THSD7B: variants seen among roughly 807,000 people sequenced by gnomAD.
THSD7B encodes the protein thrombospondin type 1 domain containing 7B, also known as thrombospondin type-1 domain-containing protein 7B.
In THSD7B, 138 loss-of-function variants were observed where a neutral mutation model predicts 213.6. The observed-to-expected ratio is 0.65, with a 90% CI of 0.56 to 0.74. THSD7B has a LOEUF of 0.74. Ranked by LOEUF, THSD7B falls within the 30% of genes least tolerant of loss-of-function variation. The probability of loss-of-function intolerance (pLI) is 0.00; values close to 1 mark genes in which losing one functional copy is unlikely to be tolerated. For missense variants in THSD7B, 1,931 were observed against 1,991.5 expected (o/e 0.97, Z 0.58); for synonymous variants, 742 against 687.0 (o/e 1.08, Z -1.25).
At chr2:136,928,757 A>G (rs541996667) in intron 2 of THSD7B, among the ~76,000 whole-genome samples, 1 of 152,348 alleles carries the variant, frequency 6.6e-6, no homozygotes, top group African/African-American at 2.4e-5. Flanking sequence ...TTAACAGAAG[A>G]AAATTATAAT....
chr2:137,145,273 CAGTT>C (rs1040946180), intron 5 of THSD7B, among the ~76,000 whole-genome samples: 5 of 152,076 alleles, frequency 3.3e-5, no homozygotes, highest in Admixed American at 1.3e-4. Flanking sequence ...AGAGAGGCCA[CAGTT>C]AGTTATGGCC....
chr2:137,284,075 G>C (rs952093756), intron 12 of THSD7B, among the ~76,000 whole-genome samples: 4 of 152,098 alleles, frequency 2.6e-5, no homozygotes, highest in Non-Finnish European at 4.4e-5. Flanking sequence ...CTCAATTTCA[G>C]AGCCTGTTAT....
At chr2:137,638,430 A>G (rs1682875376) in intron 20 of THSD7B, among the ~76,000 whole-genome samples, 1 of 152,140 alleles carries the variant, frequency 6.6e-6, no homozygotes, top group African/African-American at 2.4e-5. Context: ...CATGATTCTG[A>G]GGCCTCCCCA....
intron 2 of THSD7B, among the ~76,000 whole-genome samples, chr2:136,954,065 C>T (rs1685082906): frequency 6.6e-6 from 1 of 152,194 alleles, no homozygotes. Context: ...TATTTGTTGA[C>T]ATTTCTAGGA....
At chr2:137,229,350 GGTGTGT>G (rs143029313) in intron 7 of THSD7B, among the ~76,000 whole-genome samples, 4 of 150,044 alleles carry the variant, frequency 2.7e-5, no homozygotes, top group Non-Finnish European at 3.0e-5. Flanking sequence ...TGCTGTATTG[GGTGTGT>G]GTGTGTGTGT....
intron 1 of THSD7B, among the ~76,000 whole-genome samples, 169 bp downstream of exon 1, chr2:136,765,856 T>C (rs1002211133): frequency 6.6e-6 from 1 of 152,166 alleles, no homozygotes; most frequent in Admixed American, 6.5e-5. Flanking sequence ...ACGCGGGAAC[T>C]TGGAAGCGGA....
intron 5 of THSD7B, among the ~76,000 whole-genome samples, chr2:137,127,988 A>G (rs80067288): frequency 0.031 from 4,784 of 152,224 alleles, 118 homozygotes; most frequent in Admixed American, 0.059. Flanking sequence ...AAACACAATA[A>G]ATATAGGGAA....
intron 7 of THSD7B, among the ~76,000 whole-genome samples, chr2:137,199,992 T>A (rs1170171230): frequency 6.6e-6 from 1 of 152,162 alleles, no homozygotes; most frequent in Non-Finnish European, 1.5e-5. Context: ...CTGACTAGAC[T>A]GTTGCAGAAT....
At chr2:137,075,431 C>G (rs1371547542) in intron 3 of THSD7B, among the ~76,000 whole-genome samples, 3 of 152,208 alleles carry the variant, frequency 2.0e-5, no homozygotes, top group Non-Finnish European at 4.4e-5. Flanking sequence ...TGGTTTTCAG[C>G]TCCATCAGGT....
At chr2:137,465,291 T>C (rs1211827227) in intron 15 of THSD7B, among the ~76,000 whole-genome samples, 2 of 151,730 alleles carry the variant, frequency 1.3e-5, no homozygotes, top group African/African-American at 2.4e-5. Flanking sequence ...AACTAAGACA[T>C]TCCAGGACAA....
intron 14 of THSD7B, among the ~76,000 whole-genome samples, chr2:137,434,229 CAGG>C (rs1687244532): frequency 6.6e-6 from 1 of 152,126 alleles, no homozygotes; most frequent in Admixed American, 6.6e-5. Context: ...ATGAGGGTAT[CAGG>C]AGACTTTTTG....
intron 15 of THSD7B, among the ~76,000 whole-genome samples, chr2:137,491,065 C>A (rs923991126): frequency 6.6e-6 from 1 of 151,948 alleles, no homozygotes; most frequent in African/African-American, 2.4e-5. Context: ...TTTATGTGAC[C>A]CCGTATTTTT....
At chr2:137,448,839 A>AAC (rs1278585297) in intron 14 of THSD7B, among the ~76,000 whole-genome samples, 1 of 138,230 alleles carries the variant, frequency 7.2e-6, no homozygotes, top group Admixed American at 7.0e-5. Context: ...ACAACAACAA[A>AAC]AACTACCCTT....
rs1679792985 is a variant in THSD7B, at chr2:137,150,395, C to G, written c.1370-9818C>G. ...TAGTTTCCACATGTTGTGGGAGGGG[C>G]TCAGTGGGAGGTAATTGAGATCATG... On this transcript the variant is annotated intron_variant, in intron 5 of 27. Coordinates refer to ENST00000409968, the MANE Select transcript of THSD7B (RefSeq NM_001316349.2). Among the ~76,000 whole-genome samples the G allele has an allele frequency of 1.3e-5, 2 of 152,114 alleles. 1 individual carries two copies. Among genetic ancestry groups the G allele is most frequent in the South Asian group, 4.2e-4 (2 of 4,818 alleles).
chr2:137,482,436 G>A (rs1488538600), intron 15 of THSD7B, among the ~76,000 whole-genome samples: 1 of 152,140 alleles, frequency 6.6e-6, no homozygotes, highest in Non-Finnish European at 1.5e-5. Context: ...ATACTTATGT[G>A]CCCTGTGGGT....
At chr2:137,007,420 G>A (rs1686137578) in intron 2 of THSD7B, among the ~76,000 whole-genome samples, 1 of 152,152 alleles carries the variant, frequency 6.6e-6, no homozygotes, top group Non-Finnish European at 1.5e-5. Context: ...AACACTAATA[G>A]AGATAGATGG....
intron 2 of THSD7B, among the ~76,000 whole-genome samples, chr2:136,932,585 GAGAAA>G (rs1488217354): frequency 6.6e-6 from 1 of 152,080 alleles, no homozygotes; most frequent in African/African-American, 2.4e-5. Context: ...AAGTAAGCTA[GAGAAA>G]AGAAAACATT....
At chr2:137,183,614 G>A (rs1333081211) in intron 7 of THSD7B, among the ~76,000 whole-genome samples, 3 of 152,036 alleles carry the variant, frequency 2.0e-5, no homozygotes, top group Non-Finnish European at 4.4e-5. Context: ...CTTAGTAATA[G>A]CACAATTTAC....
At chr2:137,114,022 G>A (rs56354125) in intron 4 of THSD7B, among the ~76,000 whole-genome samples, 3,285 of 152,130 alleles carry the variant, frequency 0.022, 82 homozygotes, top group African/African-American at 0.057. Flanking sequence ...GTCACTATGA[G>A]GTTTCTTGGA....
Sources: gnomAD v4.1 joint callset for allele counts (sites outside exome capture counted in the v4.1 genomes callset) on GRCh38, gnomAD v4.1.1 for gene constraint, MANE v1.5 for transcripts, NCBI Gene and HGNC (gene_info 2026-07-23, HGNC 2026-07-21) for gene names.